Variants in UBQLN3 observed in about 807,000 individuals in gnomAD.
UBQLN3 encodes the protein ubiquilin-3.
Under a neutral mutation model 2.9 loss-of-function variants are expected in UBQLN3, and 1 was observed. The ratio of observed to expected loss-of-function variants is 0.35; its 90% CI spans 0.12 to 1.66. The LOEUF is 1.66. Ranked by LOEUF, UBQLN3 falls within the 40% of genes most tolerant of loss-of-function variation. The probability of loss-of-function intolerance (pLI) is 0.35; values close to 1 mark genes in which losing one functional copy is unlikely to be tolerated. For missense variants in UBQLN3, 924 were observed against 816.5 expected (o/e 1.13, Z -1.61); for synonymous variants, 358 against 317.6 (o/e 1.13, Z -1.35).
In UBQLN3 at chr11:5,509,073, C is replaced by G. The variant is rs763089793; in HGVS notation, c.486G>C (p.Val162=). The G allele has an allele frequency of 6.2e-7, 1 of 1,614,168 alleles. No homozygotes were observed. The highest frequency in any genetic ancestry group is 8.5e-7 in the Non-Finnish European group (1 of 1,180,018). ...DQPSSLMRQH[V]SVPEFVTQLI... ...GCTGAGTCACAAACTCAGGCACAGA[C>G]ACATGCTGCCGCATCAGGGAGCTTG... Residue 162 remains valine (V), a synonymous_variant, in exon 2 of 2, where the codon GTG becomes GTC. Transcript: ENST00000311659.
rs74760101 is a variant in UBQLN3, at chr11:5,507,772, A to C, written c.1787T>G (p.Leu596Arg). The change falls in exon 2 of 2, where the codon CTC becomes CGC. Residue 596 changes from leucine (L) to arginine (R), a missense_variant. Transcript: ENST00000311659. ...AELGFLSPPFLHMLQDLVSTN... is the reference protein window; with the variant it reads ...AELGFLSPPFRHMLQDLVSTN... ...ACTAACTAAATCTTGCAGCATATGG[A>C]GAAAGGGAGGGGAAAGGAAGCCCAG... The C allele has an allele frequency of 6.2e-6, 10 of 1,614,056 alleles. No individual in the cohort carries two copies. In the African/African-American group the frequency reaches 1.1e-4, roughly 17 times the overall value.
At position 5,507,453 on chromosome 11, in the gene UBQLN3, C is replaced by T; in HGVS notation, c.*138G>A. 1.4e-6 allele frequency: 2 copies of T among 1,458,182 alleles called. No individual in the cohort carries two copies. The allele number at this position is 1,458,182 out of a possible 1,614,324, so 90.3% of individuals were successfully genotyped here. On this transcript the variant is annotated 3_prime_UTR_variant, in exon 2 of 2. Coordinates refer to ENST00000311659, the MANE Select transcript of UBQLN3 (RefSeq NM_017481.4). ...TTAGTCTTCCTCGTTGACTCTGGAA[C>T]AACATTGCCTCCACAGCAAAGGACT...
In UBQLN3 at chr11:5,507,758, C is replaced by A; in HGVS notation, c.1801G>T (p.Asp601Tyr). The A allele has an allele frequency of 6.2e-7, 1 of 1,614,114 alleles. No homozygotes were observed. Among genetic ancestry groups the A allele is most frequent in the Non-Finnish European group, 8.5e-7 (1 of 1,180,022 alleles). The change falls in exon 2 of 2, where the codon GAT becomes TAT. Residue 601 changes from aspartate to tyrosine, a missense_variant. Transcript: ENST00000311659. ...LSPPFLHMLQ[D>Y]LVSTNPQQLQ... Reference sequence around the variant, plus strand: ...TGCTGGGGATTTGTACTAACTAAATCTTGCAGCATATGGAGAAAGGGAGGG... The same window carrying A: ...TGCTGGGGATTTGTACTAACTAAATATTGCAGCATATGGAGAAAGGGAGGG...
Position 5,508,393 on chromosome 11 carries a change from T to A in UBQLN3, c.1166A>T (p.Glu389Val), listed in dbSNP as rs1395354886. Residue 389 changes from glutamate (E) to valine (V), a missense_variant, in exon 2 of 2, where the codon GAG (glutamate) becomes GTG (valine). Coordinates refer to ENST00000311659, the MANE Select transcript of UBQLN3 (RefSeq NM_017481.4). This position sits in a 1 kb window ranked among gnomAD's most constrained non-coding sequence, Gnocchi z 4.2. ...GGGGAGAGGCTGGCCTGACCCAGGC[T>A]CCTGAGATGAGGGTGACGATGGGGG... is the stretch of plus-strand genomic sequence containing the variant. ...RVPPSSPSSQ[E>V]PGSGQPLPEE... 6.2e-7 allele frequency: 1 copy of A among 1,601,760 alleles called. No homozygotes were observed. The highest frequency in any genetic ancestry group is 1.7e-5 in the Admixed American group (1 of 58,492).
Position 5,508,856 on chromosome 11 carries a change from G to A in UBQLN3, c.703C>T (p.Arg235Cys), listed in dbSNP as rs376154145. 28 of 1,614,188 alleles carry A rather than the reference G, an allele frequency of 1.7e-5. No homozygotes were observed. The highest frequency in any genetic ancestry group is 2.2e-5 in the Non-Finnish European group (26 of 1,180,044). ...TTACTGAGCACCCGGTCCTGGCTAC[G>A]TATCATCTCCTGCATCATGGCAGGG... ...RNPAMMQEMI[R>C]SQDRVLSNLE... Residue 235 changes from arginine (R) to cysteine (C), a missense_variant, in exon 2 of 2, where the codon CGT (arginine) becomes TGT (cysteine). Physicochemically the swap from Arg to Cys is radical, Grantham distance 180. Coordinates refer to ENST00000311659, the MANE Select transcript of UBQLN3 (RefSeq NM_017481.4). The surrounding 1 kb of genome is among the most constrained non-coding windows in gnomAD (Gnocchi z 4.2).
In UBQLN3 at chr11:5,509,599, G is replaced by T. The variant is rs766319229; in HGVS notation, c.-36-5C>A. On this transcript the variant is annotated splice_region_variant and splice_polypyrimidine_tract_variant and intron_variant, in intron 1 of 1. Transcript: ENST00000311659. The stretch of plus-strand genomic sequence containing the variant: ...CCCAGATCTGTGGGGACACAGCTAG[G>T]GGCATGGGGATTGGAGACCAAGATC... 69 of 1,578,280 alleles carry T rather than the reference G, an allele frequency of 4.4e-5. No individual in the cohort carries two copies. Among genetic ancestry groups the T allele is most frequent in the Non-Finnish European group, 5.7e-5 (66 of 1,165,306 alleles).
Position 5,507,556 on chromosome 11 carries a change from C to A in UBQLN3, c.*35G>T. 6.5e-7 allele frequency: 1 copy of A among 1,539,670 alleles called. No homozygotes were observed. The highest frequency in any genetic ancestry group is 1.4e-5 in the African/African-American group (1 of 72,470). On this transcript the variant is annotated 3_prime_UTR_variant, in exon 2 of 2. Transcript: ENST00000311659. Reference sequence around the variant, plus strand: ...GGAACTAGGATATGGGAAAAAGGCACAGAGGAAAACGTATGGTTTGAATGA... The same window carrying A: ...GGAACTAGGATATGGGAAAAAGGCAAAGAGGAAAACGTATGGTTTGAATGA...
At position 5,507,906 on chromosome 11, in the gene UBQLN3, C is replaced by T. The variant is rs754916229; in HGVS notation, c.1653G>A (p.Gly551=). 10 of 1,613,884 alleles carry T rather than the reference C, an allele frequency of 6.2e-6. No homozygotes were observed. The South Asian group carries it at 1.1e-4, about 18-fold the overall frequency. ...CTATACCTCCTGCCACACTACCCGTCCCTGCTAGGCAAGGCATGAACCAGA... is the reference window on the plus strand; with the variant it reads ...CTATACCTCCTGCCACACTACCCGTTCCTGCTAGGCAAGGCATGAACCAGA... ...LLLWFMPCLA[G]TGSVAGGIES... Residue 551 remains glycine, a synonymous_variant, in exon 2 of 2, where the codon GGG becomes GGA. Transcript: ENST00000311659.
In UBQLN3 at chr11:5,508,431, T is replaced by C; in HGVS notation, c.1128A>G (p.Ser376=). 6.2e-7 allele frequency: 1 copy of C among 1,605,556 alleles called. No homozygotes were observed. Among genetic ancestry groups the C allele is most frequent in the Non-Finnish European group, 8.5e-7 (1 of 1,175,842 alleles). The stretch of plus-strand genomic sequence containing the variant: ...GTGACGATGGGGGAACTCTGTTTAC[T>C]GATGGTGGTGGTTCCTGGCTTTGGC... ...ALSQSQEPPP[S]VNRVPPSSPS... The change falls in exon 2 of 2, where the codon TCA becomes TCG. Residue 376 remains serine, a synonymous_variant. Coordinates refer to ENST00000311659, the MANE Select transcript of UBQLN3 (RefSeq NM_017481.4). This position sits in a 1 kb window ranked among gnomAD's most constrained non-coding sequence, Gnocchi z 4.2.
In UBQLN3 at chr11:5,508,211, C is replaced by A. The variant is rs2234453; in HGVS notation, c.1348G>T (p.Asp450Tyr). 379 of 1,614,204 alleles carry A rather than the reference C, an allele frequency of 2.3e-4. No individual in the cohort carries two copies. Among genetic ancestry groups the A allele is most frequent in the Admixed American group, 3.2e-4 (19 of 60,032 alleles). ...NLPDLVSGLG[D>Y]SANRVPFAPL... is the part of the protein sequence containing the mutation. ...GCAAATGGAACCCTGTTGGCAGAAT[C>A]TCCCAGCCCCGAGACAAGATCAGGC... is the stretch of plus-strand genomic sequence containing the variant. The change falls in exon 2 of 2, where the codon GAT becomes TAT. Residue 450 changes from aspartate (D) to tyrosine (Y), a missense_variant. Coordinates refer to ENST00000311659, the MANE Select transcript of UBQLN3 (RefSeq NM_017481.4). This position sits in a 1 kb window ranked among gnomAD's most constrained non-coding sequence, Gnocchi z 4.2.
Position 5,509,044 on chromosome 11 carries a change from A to G in UBQLN3, c.515T>C (p.Ile172Thr). ...VSVPEFVTQL[I>T]DDPFIPGLLS... ...CAGACCCGGGATGAAGGGGTCATCA[A>G]TGAGCTGAGTCACAAACTCAGGCAC... is the stretch of plus-strand genomic sequence containing the variant. Residue 172 changes from isoleucine (I) to threonine (T), a missense_variant, in exon 2 of 2, where the codon ATT (isoleucine) becomes ACT (threonine). Physicochemically the swap from Ile to Thr is moderately conservative, Grantham distance 89 (BLOSUM62 -1). Transcript: ENST00000311659. 3 of 1,614,154 alleles carry G rather than the reference A, an allele frequency of 1.9e-6. No homozygotes were observed. The highest frequency in any genetic ancestry group is 2.5e-6 in the Non-Finnish European group (3 of 1,180,016).
chr11:5,509,210 G>T lies in UBQLN3; in HGVS notation c.349C>A (p.Leu117Ile). ...VPTQGPSPGS[L>I]PQPSSIYPAD... is the part of the protein sequence containing the mutation. ...GGGTAAATGGAGCTTGGCTGAGGGA[G>T]TGATCCAGGACTTGGGCCCTGGGTA... The change falls in exon 2 of 2, where the codon CTC becomes ATC. Residue 117 changes from leucine (L) to isoleucine (I), a missense_variant. Physicochemically the swap from Leu to Ile is conservative, Grantham distance 5. Transcript: ENST00000311659. 3 of 1,614,134 alleles carry T rather than the reference G, an allele frequency of 1.9e-6. No homozygotes were observed. Among genetic ancestry groups the T allele is most frequent in the Non-Finnish European group, 2.5e-6 (3 of 1,179,990 alleles).
At position 5,508,189 on chromosome 11, in the gene UBQLN3, A is replaced by C; in HGVS notation, c.1370T>G (p.Phe457Cys). ...GLGDSANRVPFAPLSFSPTAA... is the reference protein window; with the variant it reads ...GLGDSANRVPCAPLSFSPTAA... Reference sequence around the variant, plus strand: ...CGTGGGGGAAAAAGATAAGGGAGCAAATGGAACCCTGTTGGCAGAATCTCC... The same window carrying C: ...CGTGGGGGAAAAAGATAAGGGAGCACATGGAACCCTGTTGGCAGAATCTCC... The change falls in exon 2 of 2, where the codon TTT becomes TGT. Residue 457 changes from phenylalanine (F) to cysteine (C), a missense_variant. Transcript: ENST00000311659. The surrounding 1 kb of genome is among the most constrained non-coding windows in gnomAD (Gnocchi z 4.2). 6.2e-7 allele frequency: 1 copy of C among 1,614,170 alleles called. No individual in the cohort carries two copies. The highest frequency in any genetic ancestry group is 8.5e-7 in the Non-Finnish European group (1 of 1,180,040).
At chr11:5,509,665 A>G in intron 1 of UBQLN3, 71 bp from the exon 2 acceptor site, 8 of 1,466,136 alleles carry the variant, frequency 5.5e-6, no homozygotes, top group South Asian at 1.4e-5. Flanking sequence ...GGTGAGTATG[A>G]AAAGGGTCTT....
Position 5,508,504 on chromosome 11 carries a change from T to G in UBQLN3, c.1055A>C (p.Asn352Thr), listed in dbSNP as rs1453402622. The change falls in exon 2 of 2, where the codon AAC becomes ACC. Residue 352 changes from asparagine (N) to threonine (T), a missense_variant. By Grantham distance (65) the Asn-to-Thr change is moderately conservative. Transcript: ENST00000311659. The surrounding 1 kb of genome is among the most constrained non-coding windows in gnomAD (Gnocchi z 4.2). Reference protein sequence around the residue: ...LYDYLQQLHENPQSLGTYLQG... With the variant: ...LYDYLQQLHETPQSLGTYLQG... ...TAGATAAGTTCCTAGGGACTGGGGG[T>G]TCTCGTGTAATTGCTGGAGATAGTC... The G allele has an allele frequency of 1.9e-6, 3 of 1,613,582 alleles. No individual in the cohort carries two copies. The highest frequency in any genetic ancestry group is 2.5e-6 in the Non-Finnish European group (3 of 1,179,916).
chr11:5,509,432 T>C lies in UBQLN3; in HGVS notation c.127A>G (p.Ile43Val). The C allele has an allele frequency of 6.2e-7, 1 of 1,614,212 alleles. No individual in the cohort carries two copies. Among genetic ancestry groups the C allele is most frequent in the African/African-American group, 1.3e-5 (1 of 75,068 alleles). The change falls in exon 2 of 2, where the codon ATC (isoleucine) becomes GTC (valine). Residue 43 changes from isoleucine to valine, a missense_variant. Physicochemically the swap from Ile to Val is conservative, Grantham distance 29. Transcript: ENST00000311659. Reference sequence around the variant, plus strand: ...GATATCTCTTCCTTCAGCTGCTGGATAGTGCATGTGTCTGTAACTGAGAAA... The same window carrying C: ...GATATCTCTTCCTTCAGCTGCTGGACAGTGCATGTGTCTGTAACTGAGAAA... ...EDFSVTDTCTIQQLKEEISQR... is the reference protein window; with the variant it reads ...EDFSVTDTCTVQQLKEEISQR...
chr11:5,509,588 G>T lies in UBQLN3; in HGVS notation c.-30C>A, dbSNP rs114824484. The T allele has an allele frequency of 0.035, 55,752 of 1,599,496 alleles. 1,102 individuals carry two copies. The highest frequency in any genetic ancestry group is 0.041 in the Non-Finnish European group (48,200 of 1,173,220). The stretch of plus-strand genomic sequence containing the variant: ...GCAGCAGGAGGCCCAGATCTGTGGG[G>T]ACACAGCTAGGGGCATGGGGATTGG... On this transcript the variant is annotated 5_prime_UTR_variant, in exon 2 of 2. Coordinates refer to ENST00000311659, the MANE Select transcript of UBQLN3 (RefSeq NM_017481.4).
At position 5,509,331 on chromosome 11, in the gene UBQLN3, C is replaced by T. The variant is rs762413112; in HGVS notation, c.228G>A (p.Leu76=). ...GGCCATCTCGCACTCCACACTGTGC[C>T]AGTGAGTCAGGATCCTTGAGGATTT... ...AGKILKDPDS[L]AQCGVRDGLT... The change falls in exon 2 of 2, where the codon CTG becomes CTA. Residue 76 remains leucine (L), a synonymous_variant. Coordinates refer to ENST00000311659, the MANE Select transcript of UBQLN3 (RefSeq NM_017481.4). 31 of 1,614,038 alleles carry T rather than the reference C, an allele frequency of 1.9e-5. No homozygotes were observed. The highest frequency in any genetic ancestry group is 2.4e-5 in the Non-Finnish European group (28 of 1,180,024).
Position 5,508,986 on chromosome 11 carries a change from A to G in UBQLN3, c.573T>C (p.Val191=). The part of the protein sequence containing the change: ...LSNTGLVRQL[V]LDNPHMQQLI... ...GCTGCTGCATATGGGGGTTGTCAAG[A>G]ACCAGCTGGCGTACTAGGCCTGTGT... is the stretch of plus-strand genomic sequence containing the variant. Residue 191 remains valine (V), a synonymous_variant, in exon 2 of 2, where the codon GTT becomes GTC. Transcript: ENST00000311659. This position sits in a 1 kb window ranked among gnomAD's most constrained non-coding sequence, Gnocchi z 4.2. 2.5e-6 allele frequency: 4 copies of G among 1,614,116 alleles called. No homozygotes were observed. Among genetic ancestry groups the G allele is most frequent in the Non-Finnish European group, 3.4e-6 (4 of 1,179,970 alleles).
Sources: allele counts gnomAD v4.1 joint callset, GRCh38; gene constraint gnomAD v4.1.1; non-coding constraint Gnocchi (gnomAD v3.1); transcripts MANE v1.5; gene names NCBI Gene and HGNC (gene_info 2026-07-23, HGNC 2026-07-21).